DNAH7: variants seen among roughly 807,000 people sequenced by gnomAD.
DNAH7 encodes dynein axonemal heavy chain 7.
DNAH7 carries 397 observed loss-of-function variants against 444.6 expected under a neutral mutation model. The ratio of observed to expected loss-of-function variants is 0.89; its 90% confidence interval spans 0.82 to 0.97. The LOEUF (loss-of-function observed/expected upper bound fraction) is 0.97, where lower values mean the gene tolerates loss of function less well. DNAH7 is among the 50% of genes least tolerant of loss of function. The probability of loss-of-function intolerance (pLI) is 0.00; values close to 1 mark genes in which losing one functional copy is unlikely to be tolerated. For missense variants in DNAH7, 4,902 were observed against 4,800.8 expected (o/e 1.02, Z -0.62); for synonymous variants, 1,636 against 1,624.4 (o/e 1.01, Z -0.17).
intron 9 of DNAH7, among the ~76,000 whole-genome samples, chr2:196,017,933 G>C (rs1316849431): frequency 6.6e-6 from 1 of 152,010 alleles, no homozygotes; most frequent in African/African-American, 2.4e-5. Flanking sequence ...AGAAAACAGA[G>C]ACATATTTAA....
chr2:196,059,327 G>A (rs1698008001), intron 1 of DNAH7, among the ~76,000 whole-genome samples: 1 of 152,200 alleles, frequency 6.6e-6, no homozygotes, highest in Non-Finnish European at 1.5e-5. Flanking sequence ...TAGAAGTTTT[G>A]TCTAAGTGAG....
intron 58 of DNAH7, among the ~76,000 whole-genome samples, chr2:195,783,951 T>C (rs2105967193): frequency 6.6e-6 from 1 of 152,284 alleles, no homozygotes; most frequent in East Asian, 1.9e-4. Flanking sequence ...AGAACAGTTT[T>C]AGGTTCACAA....
chr2:195,996,210 C>T (rs2125670247), intron 12 of DNAH7, among the ~76,000 whole-genome samples: 1 of 152,248 alleles, frequency 6.6e-6, no homozygotes, highest in South Asian at 2.1e-4. Context: ...ATTCACTGAC[C>T]TTTGATCTTT....
chr2:195,965,953 A>C (rs1486434705), intron 17 of DNAH7, among the ~76,000 whole-genome samples: 1 of 151,224 alleles, frequency 6.6e-6, no homozygotes, highest in Non-Finnish European at 1.5e-5. Flanking sequence ...GCAATTTTTA[A>C]ATTTCTGCTC....
In DNAH7 at chr2:195,809,757, C is replaced by T; in HGVS notation, c.9876G>A (p.Leu3292=). Residue 3292 remains leucine, a synonymous_variant, in exon 52 of 65, where the codon CTG becomes CTA. Coordinates refer to ENST00000312428, the MANE Select transcript of DNAH7 (RefSeq NM_018897.3). ...AAACAGTACTGACCGCCCGCTCATG[C>T]AGCAGTAGATTTATGGTTAGACAAA... ...FSFCLTINLL[L]HERAINKAEW... The T allele has an allele frequency of 6.3e-7, 1 of 1,587,582 alleles. No homozygotes were observed. The highest frequency in any genetic ancestry group is 8.6e-7 in the Non-Finnish European group (1 of 1,167,324).
intron 13 of DNAH7, 50 bp from the exon 14 acceptor site, chr2:195,987,243 A>G: frequency 5.9e-6 from 8 of 1,364,816 alleles, no homozygotes; most frequent in Non-Finnish European, 7.8e-6. Flanking sequence ...AAAACAAATA[A>G]ATTTTCACAA....
At chr2:195,775,663 A>C (rs542433186) in intron 60 of DNAH7, among the ~76,000 whole-genome samples, 183 bp downstream of exon 60, 28 of 146,654 alleles carry the variant, frequency 1.9e-4, no homozygotes, top group Admixed American at 1.7e-3. Flanking sequence ...AAAAAAAAAA[A>C]CACACGTTCA....
chr2:195,825,740 C>A (rs1207314815), intron 48 of DNAH7, among the ~76,000 whole-genome samples: 1 of 152,162 alleles, frequency 6.6e-6, no homozygotes, highest in Non-Finnish European at 1.5e-5. Flanking sequence ...TGGATGATGG[C>A]ATTTTGTAGA....
chr2:195,857,468 T>C lies in DNAH7; in HGVS notation c.8323A>G (p.Asn2775Asp). 1 of 1,613,612 alleles carries C rather than the reference T, an allele frequency of 6.2e-7. No homozygotes were observed. The highest frequency in any genetic ancestry group is 1.7e-5 in the Admixed American group (1 of 59,932). ...ATTTTTTCTGGTACAAAATCTGGAT[T>C]TGGAATATAATTTTTTCTTATGATA... Reference protein sequence around the residue: ...MNIIRKNYIPNPDFVPEKIRN... With the variant: ...MNIIRKNYIPDPDFVPEKIRN... Residue 2775 changes from asparagine to aspartate, a missense_variant, in exon 44 of 65, where the codon AAT (asparagine) becomes GAT (aspartate). Asn to Asp is a conservative substitution (Grantham distance 23). Coordinates refer to ENST00000312428, the MANE Select transcript of DNAH7 (RefSeq NM_018897.3).
chr2:195,759,539 T>G (rs1178814612), intron 61 of DNAH7, among the ~76,000 whole-genome samples: 1 of 152,062 alleles, frequency 6.6e-6, no homozygotes, highest in Non-Finnish European at 1.5e-5. Flanking sequence ...GGCTTTGACT[T>G]GCAGCTTAGG....
rs1230573892 is a variant in DNAH7 at position 195,775,887 on chromosome 2, A to G, written c.11161T>C (p.Ser3721Pro). ...TTATCAAATAGCAGCTGAGTTTCTG[A>G]CTGATCCTTAGTGATATCTGCATTG... The part of the protein sequence containing the change: ...NANADITKDQ[S>P]ETQLLFDNIL... Residue 3721 changes from serine to proline, a missense_variant, in exon 60 of 65, where the codon TCA (serine) becomes CCA (proline). By Grantham distance (74) the Ser-to-Pro change is moderately conservative. Coordinates refer to ENST00000312428, the MANE Select transcript of DNAH7 (RefSeq NM_018897.3). The G allele has an allele frequency of 6.2e-7, 1 of 1,614,110 alleles. No individual in the cohort carries two copies. The highest frequency in any genetic ancestry group is 1.1e-5 in the South Asian group (1 of 91,082).
intron 14 of DNAH7, among the ~76,000 whole-genome samples, chr2:195,984,958 C>T (rs1692810635): frequency 6.6e-6 from 1 of 152,076 alleles, no homozygotes; most frequent in Non-Finnish European, 1.5e-5. Context: ...CATAATGGCC[C>T]TCAAGCAACT....
rs1553575648 is a variant in DNAH7 at position 195,950,868 on chromosome 2, A to AAAAAAAAAAAAAAAAAAAAAAAAC, written c.3078+6392_3078+6393insGTTTTTTTTTTTTTTTTTTTTTTT. On this transcript the variant is annotated intron_variant, in intron 19 of 64. Coordinates refer to ENST00000312428, the MANE Select transcript of DNAH7 (RefSeq NM_018897.3). ...CTCTGTCTCAAAAAAAAAAAAAAAA[A>AAAAAAAAAAAAAAAAAAAAAAAAC]AAAAAAAAAAACCCAGCTCCTGGAT... 5.1e-5 allele frequency among the ~76,000 whole-genome samples: 7 copies of AAAAAAAAAAAAAAAAAAAAAAAAC among 138,230 alleles called. 1 individual carries two copies. Among genetic ancestry groups the AAAAAAAAAAAAAAAAAAAAAAAAC allele is most frequent in the Non-Finnish European group, 7.8e-5 (5 of 64,296 alleles). The allele number at this position is 138,230 out of a possible 152,430, so 90.7% of individuals were successfully genotyped here.
intron 1 of DNAH7, chr2:196,068,445 C>T (rs1051183819): frequency 1.6e-5 from 9 of 551,728 alleles, no homozygotes; most frequent in African/African-American, 3.9e-5. Context: ...GGCTGTGGCT[C>T]CCCCTGCTGG....
chr2:195,764,908 C>A (rs556721584), intron 61 of DNAH7, among the ~76,000 whole-genome samples: 2 of 151,134 alleles, frequency 1.3e-5, no homozygotes, highest in South Asian at 4.2e-4. Context: ...TATGGAACCA[C>A]ATAAGACCCA....
chr2:195,975,216 T>C (rs543959527), intron 15 of DNAH7, among the ~76,000 whole-genome samples: 96 of 152,234 alleles, frequency 6.3e-4, no homozygotes, highest in African/African-American at 2.2e-3. Flanking sequence ...GTAGGAAAGA[T>C]AGTCTTGAAT....
chr2:195,837,661 T>C (rs1698445564), intron 47 of DNAH7, among the ~76,000 whole-genome samples: 1 of 152,164 alleles, frequency 6.6e-6, no homozygotes, highest in Non-Finnish European at 1.5e-5. Context: ...TGTTTTGCTT[T>C]TTTTTTACTT....
At chr2:196,059,666 A>T (rs1698026552) in intron 1 of DNAH7, among the ~76,000 whole-genome samples, 1 of 152,190 alleles carries the variant, frequency 6.6e-6, no homozygotes, top group Non-Finnish European at 1.5e-5. Flanking sequence ...AAGTTTCGCC[A>T]GCATCCCTGT....
chr2:195,970,203 G>A (rs1574914354), intron 16 of DNAH7, 109 bp from the exon 17 acceptor site: 4 of 1,015,406 alleles, frequency 3.9e-6, no homozygotes, highest in African/African-American at 3.4e-5. Flanking sequence ...TTTGTCACTG[G>A]TAAAACATAA....
Sources: gnomAD v4.1 joint callset for allele counts (sites outside exome capture counted in the v4.1 genomes callset) on GRCh38, gnomAD v4.1.1 for gene constraint, MANE v1.5 for transcripts, NCBI Gene and HGNC (gene_info 2026-07-23, HGNC 2026-07-21) for gene names.